The following PALS1 variants were observed in gnomAD, a reference collection of about 807,000 sequenced individuals.
PALS1 encodes protein associated with LIN7 1, MAGUK p55 family member.
Under a neutral mutation model 78.9 loss-of-function variants are expected in PALS1, and 31 were observed. The ratio of observed to expected loss-of-function variants is 0.39; its 90% CI spans 0.30 to 0.53. The LOEUF is 0.53. PALS1 is among the 20% of genes least tolerant of loss of function. PALS1 has a pLI of 0.67. For missense variants in PALS1, 704 were observed against 826.5 expected (o/e 0.85, Z 1.82); for synonymous variants, 276 against 270.9 (o/e 1.02, Z -0.18).
chr14:67,265,886 A>C (rs1046189500), intron 1 of PALS1, among the ~76,000 whole-genome samples: 4 of 152,034 alleles, frequency 2.6e-5, no homozygotes, highest in African/African-American at 9.6e-5. Context: ...AAAAGAAAAC[A>C]AAGTAAACCC....
At chr14:67,296,405 C>G (rs1045351050) in intron 4 of PALS1, among the ~76,000 whole-genome samples, 21 of 151,720 alleles carry the variant, frequency 1.4e-4, no homozygotes, top group African/African-American at 5.1e-4. Context: ...TCGAGACCAT[C>G]CTGGCTAACA....
intron 1 of PALS1, among the ~76,000 whole-genome samples, chr14:67,242,865 A>C (rs2083924719): frequency 6.6e-6 from 1 of 152,264 alleles, no homozygotes; most frequent in South Asian, 2.1e-4. Flanking sequence ...GGATTGATTA[A>C]CATTAATTTG....
intron 1 of PALS1, among the ~76,000 whole-genome samples, chr14:67,267,825 T>C (rs750796888): frequency 1.3e-5 from 2 of 152,206 alleles, no homozygotes; most frequent in Non-Finnish European, 2.9e-5. Context: ...TTTCTAGAAA[T>C]TTTGCACAAA....
chr14:67,254,876 C>T (rs1404743468), intron 1 of PALS1, among the ~76,000 whole-genome samples: 1 of 152,172 alleles, frequency 6.6e-6, no homozygotes, highest in Non-Finnish European at 1.5e-5. Flanking sequence ...TCTGGCCGGG[C>T]GCAGTGGCTC....
At chr14:67,285,172 G>GA (rs930904992) in intron 3 of PALS1, among the ~76,000 whole-genome samples, 12 of 152,110 alleles carry the variant, frequency 7.9e-5, no homozygotes, top group Non-Finnish European at 1.6e-4. Context: ...AAAAGTTTCA[G>GA]AAAAAAGTCA....
At chr14:67,270,144 A>G (rs1197259109) in intron 2 of PALS1, 1 of 152,182 alleles carries the variant, frequency 6.6e-6, no homozygotes, top group African/African-American at 2.4e-5. Flanking sequence ...TACCCTTTTC[A>G]GTGGGTCTGT....
At chr14:67,253,391 G>T (rs1008184476) in intron 1 of PALS1, among the ~76,000 whole-genome samples, 1 of 152,202 alleles carries the variant, frequency 6.6e-6, no homozygotes, top group African/African-American at 2.4e-5. Flanking sequence ...AATAGTGAAA[G>T]TCAAATGAGA....
rs374085980 is a variant in PALS1 at position 67,321,148 on chromosome 14, A to C, written c.1629A>C (p.Gly543=). ...CATTCGAGGCAGACATAGCAGCTGGAAAGTTCATTGAGCATGGTGAATTTG... is the reference window on the plus strand; with the variant it reads ...CATTCGAGGCAGACATAGCAGCTGGCAAGTTCATTGAGCATGGTGAATTTG... The part of the protein sequence containing the change: ...RQAFEADIAA[G]KFIEHGEFEK... Residue 543 remains glycine, a synonymous_variant, in exon 13 of 15, where the codon GGA becomes GGC. Transcript: ENST00000261681. 3.2e-5 allele frequency: 52 copies of C among 1,614,100 alleles called. No individual in the cohort carries two copies. Among genetic ancestry groups the C allele is most frequent in the Non-Finnish European group, 4.0e-5 (47 of 1,180,040 alleles).
chr14:67,281,444 T>C (rs1407308205), intron 3 of PALS1, among the ~76,000 whole-genome samples: 1 of 152,170 alleles, frequency 6.6e-6, no homozygotes, highest in Non-Finnish European at 1.5e-5. Context: ...CTGAGGGTTT[T>C]ATTAGAGTAA....
intron 1 of PALS1, among the ~76,000 whole-genome samples, chr14:67,250,579 C>T (rs2084050535): frequency 6.6e-6 from 1 of 152,154 alleles, no homozygotes; most frequent in South Asian, 2.1e-4. Flanking sequence ...CATCTGGGCC[C>T]TTCCTCTGAA....
chr14:67,316,925 T>G, intron 10 of PALS1, 22 bp downstream of exon 10: 1 of 1,587,532 alleles, frequency 6.3e-7, no homozygotes, highest in Non-Finnish European at 8.6e-7. Flanking sequence ...GTATTTGACA[T>G]AAGTAAATGG....
At chr14:67,253,423 A>G (rs2084094702) in intron 1 of PALS1, among the ~76,000 whole-genome samples, 1 of 152,216 alleles carries the variant, frequency 6.6e-6, no homozygotes, top group South Asian at 2.1e-4. Flanking sequence ...GTTGTCCTAA[A>G]CAGTTTACTT....
Position 67,292,058 on chromosome 14 carries a change from T to TA in PALS1, c.368-451dup, listed in dbSNP as rs1223661783. On this transcript the variant is annotated intron_variant, in intron 3 of 14. Transcript: ENST00000261681. ...GCAATCTAAATGTTCAACTTTAGTT[T>TA]AATGGTTACTATAAATTATGGTTTA... 2.6e-5 allele frequency among the ~76,000 whole-genome samples: 4 copies of TA among 152,202 alleles called. No individual in the cohort carries two copies. The East Asian group carries it at 5.8e-4, about 22-fold the overall frequency.
At chr14:67,274,771 A>G (rs552093410) in intron 2 of PALS1, among the ~76,000 whole-genome samples, 47 of 152,290 alleles carry the variant, frequency 3.1e-4, no homozygotes, top group Non-Finnish European at 2.9e-5. Context: ...ATGTTCTTCC[A>G]TTTGTTTGTG....
chr14:67,282,336 C>T (rs1476986174), intron 3 of PALS1, among the ~76,000 whole-genome samples: 1 of 152,080 alleles, frequency 6.6e-6, no homozygotes, highest in Non-Finnish European at 1.5e-5. Context: ...TTTTTCACAT[C>T]TAGAAACAGC....
chr14:67,307,321 G>T (rs2085019819), intron 8 of PALS1, among the ~76,000 whole-genome samples: 1 of 152,130 alleles, frequency 6.6e-6, no homozygotes, highest in East Asian at 1.9e-4. Context: ...ATAATATGTA[G>T]GGAGGGCATA....
chr14:67,300,106 C>T (rs1243164823), intron 4 of PALS1, among the ~76,000 whole-genome samples: 1 of 152,002 alleles, frequency 6.6e-6, no homozygotes, highest in African/African-American at 2.4e-5. Flanking sequence ...TTTGCTGTGC[C>T]GTCCTGTTTA....
intron 1 of PALS1, among the ~76,000 whole-genome samples, chr14:67,269,232 T>C (rs2084375331): frequency 6.6e-6 from 1 of 152,342 alleles, no homozygotes; most frequent in Non-Finnish European, 1.5e-5. Context: ...ATGTTTCATA[T>C]AGGATTATAC....
intron 9 of PALS1, among the ~76,000 whole-genome samples, chr14:67,315,517 C>A (rs2085156836): frequency 6.6e-6 from 1 of 152,094 alleles, no homozygotes; most frequent in African/African-American, 2.4e-5. Flanking sequence ...ACCTCGTGAT[C>A]TGCCCACCTT....
Sources: allele counts gnomAD v4.1 joint callset (sites outside exome capture counted in the v4.1 genomes callset), GRCh38; gene constraint gnomAD v4.1.1; transcripts MANE v1.5; gene names NCBI Gene and HGNC (gene_info 2026-07-23, HGNC 2026-07-21).